Variants in FLG observed in about 807,000 individuals in gnomAD.
FLG encodes the protein filaggrin.
A neutral mutation model predicts 3.8 loss-of-function variants in FLG; 6 were observed. That is an observed-to-expected ratio of 1.60 (90% CI 0.87 to 3.15). The LOEUF is 3.15. Among genes scored for constraint, FLG ranks in the 30% most tolerant of loss-of-function variants. The pLI, the probability that FLG is intolerant of heterozygous loss-of-function variation, is 0.00. For synonymous variants in FLG, 2,551 were observed against 1,931.6 expected, an observed-to-expected ratio of 1.32 and a Z score of -8.41; for missense variants, 7,595 against 5,050.9, an observed-to-expected ratio of 1.50 and a Z score of -15.27.
At chr1:152,322,622 G>T (rs1234858089) in intron 1 of FLG, among the ~76,000 whole-genome samples, 3 of 150,906 alleles carry the variant, frequency 2.0e-5, no homozygotes, top group East Asian at 3.9e-4. Flanking sequence ...AATGAAATAG[G>T]AAAGGAGGCT....
chr1:152,314,721 A>C lies in FLG; in HGVS notation c.165T>G (p.Asp55Glu), dbSNP rs763759026. 1 of 1,613,768 alleles carries C rather than the reference A, an allele frequency of 6.2e-7. No homozygotes were observed. Among genetic ancestry groups the C allele is most frequent in the Non-Finnish European group, 8.5e-7 (1 of 1,179,764 alleles). Reference protein sequence around the residue: ...LKNPDDPDMVDVFMDHLDIDH... With the variant: ...LKNPDDPDMVEVFMDHLDIDH... Reference sequence around the variant, plus strand: ...CTATATCCAAGTGATCCATGAAGACATCAACCATATCTGGGTCATCTGGAT... The same window carrying C: ...CTATATCCAAGTGATCCATGAAGACCTCAACCATATCTGGGTCATCTGGAT... The change falls in exon 3 of 3, where the codon GAT (aspartate) becomes GAG (glutamate). Residue 55 changes from aspartate to glutamate, a missense_variant. By Grantham distance (45) the Asp-to-Glu change is conservative (BLOSUM62 2). Coordinates refer to ENST00000368799, the MANE Select transcript of FLG (RefSeq NM_002016.2).
At chr1:152,323,858 C>A (rs1000021227) in intron 1 of FLG, among the ~76,000 whole-genome samples, 2 of 151,418 alleles carry the variant, frequency 1.3e-5, no homozygotes, top group African/African-American at 4.8e-5. Context: ...TTTATAATAC[C>A]CCCCAAAATG....
At chr1:152,324,035 G>T (rs1653064568) in intron 1 of FLG, among the ~76,000 whole-genome samples, 1 of 151,848 alleles carries the variant, frequency 6.6e-6, no homozygotes, top group Non-Finnish European at 1.5e-5. Context: ...AGAGTTGACT[G>T]GACGTGGTGA....
chr1:152,308,256 A>C lies in FLG; in HGVS notation c.6630T>G (p.His2210Gln). 6.2e-7 allele frequency: 1 copy of C among 1,612,784 alleles called. No individual in the cohort carries two copies. Among genetic ancestry groups the C allele is most frequent in the Non-Finnish European group, 8.5e-7 (1 of 1,179,860 alleles). ...GDGSRHSGSH[H>Q]HEASSWADSS... is the part of the protein sequence containing the mutation. ...TGTCGGCCCAAGAGGAAGCTTCATG[A>C]TGATGCGACCCTGAGTGCCTAGAGC... Residue 2210 changes from histidine to glutamine, a missense_variant, in exon 3 of 3, where the codon CAT becomes CAG. Coordinates refer to ENST00000368799, the MANE Select transcript of FLG (RefSeq NM_002016.2).
rs530424264 is a variant in FLG at position 152,307,273 on chromosome 1, G to A, written c.7613C>T (p.Ser2538Phe). The change falls in exon 3 of 3, where the codon TCC becomes TTC. Residue 2538 changes from serine (S) to phenylalanine (F), a missense_variant. Physicochemically the swap from Ser to Phe is radical, Grantham distance 155. Coordinates refer to ENST00000368799, the MANE Select transcript of FLG (RefSeq NM_002016.2). ...RHSGSRHHEA[S>F]SRADSSGHSQ... ...GTGTCCAGAGCTGTCGGCCCGAGAG[G>A]AAGCTTCATGGTGACGCGACCCTGA... The A allele has an allele frequency of 3.1e-5, 50 of 1,613,384 alleles. No homozygotes were observed. Among genetic ancestry groups the A allele is most frequent in the Non-Finnish European group, 2.9e-5 (34 of 1,179,976 alleles).
At position 152,307,502 on chromosome 1, in the gene FLG, T is replaced by C. The variant is rs1196496743; in HGVS notation, c.7384A>G (p.Ile2462Val). The change falls in exon 3 of 3, where the codon ATT becomes GTT. Residue 2462 changes from isoleucine (I) to valine (V), a missense_variant. Transcript: ENST00000368799. ...HSTSQEGQDT[I>V]HGHPGSSSGG... ...CTGCTTGACCCCGGGTGTCCATGAATGGTGTCCTGACCCTCTTGGGACGTT... is the reference window on the plus strand; with the variant it reads ...CTGCTTGACCCCGGGTGTCCATGAACGGTGTCCTGACCCTCTTGGGACGTT... 6.2e-7 allele frequency: 1 copy of C among 1,613,220 alleles called. No homozygotes were observed. The highest frequency in any genetic ancestry group is 8.5e-7 in the Non-Finnish European group (1 of 1,179,732).
chr1:152,307,335 A>G lies in FLG; in HGVS notation c.7551T>C (p.Thr2517=). 6.2e-7 allele frequency: 1 copy of G among 1,611,794 alleles called. No homozygotes were observed. The highest frequency in any genetic ancestry group is 2.2e-5 in the East Asian group (1 of 44,642). ...HSGSRSASRQ[T]RNDEQSGDGS... The stretch of plus-strand genomic sequence containing the variant: ...CGTCTCCTGATTGTTCATCGTTACG[A>G]GTTTGTCTGCTTGCACTTCTGGATC... The change falls in exon 3 of 3, where the codon ACT becomes ACC. Residue 2517 remains threonine, a synonymous_variant. Transcript: ENST00000368799.
At position 152,309,101 on chromosome 1, in the gene FLG, C is replaced by T. The variant is rs769077099; in HGVS notation, c.5785G>A (p.Glu1929Lys). 2.1e-5 allele frequency: 34 copies of T among 1,614,144 alleles called. No individual in the cohort carries two copies. The highest frequency in any genetic ancestry group is 1.7e-4 in the Admixed American group (10 of 60,022). ...GACCCAGACCACCTCTCAGAGTCTT[C>T]TGAGTGTCCCTGACTGTCACTGTCC... is the stretch of plus-strand genomic sequence containing the variant. ...SQDSDSQGHS[E>K]DSERWSGSAS... Residue 1929 changes from glutamate to lysine, a missense_variant, in exon 3 of 3, where the codon GAA becomes AAA. Physicochemically the swap from Glu to Lys is moderately conservative, Grantham distance 56. Transcript: ENST00000368799.
rs757749982 is a variant in FLG, at chr1:152,310,334, G to A, written c.4552C>T (p.His1518Tyr). The A allele has an allele frequency of 2.5e-6, 4 of 1,613,826 alleles. No homozygotes were observed. The East Asian group carries it at 6.7e-5, about 27-fold the overall frequency. Residue 1518 changes from histidine (H) to tyrosine (Y), a missense_variant, in exon 3 of 3, where the codon CAT becomes TAT. By Grantham distance (83) the His-to-Tyr change is moderately conservative. Transcript: ENST00000368799. ...SVDRSGHSGY[H>Y]HSHTTPQGRS... ...CCCTGGGGTGTGGTGTGGCTGTGAT[G>A]GTACCCTGAGTGTCCAGACCTATCT... is the stretch of plus-strand genomic sequence containing the variant.
In FLG at chr1:152,307,311, G is replaced by T; in HGVS notation, c.7575C>A (p.Asp2525Glu). Residue 2525 changes from aspartate (D) to glutamate (E), a missense_variant, in exon 3 of 3, where the codon GAC becomes GAA. Asp to Glu is a conservative substitution (Grantham distance 45). Transcript: ENST00000368799. The stretch of plus-strand genomic sequence containing the variant: ...GACGCGACCCTGAGTGCCTGGAGCC[G>T]TCTCCTGATTGTTCATCGTTACGAG... ...RQTRNDEQSG[D>E]GSRHSGSRHH... 1 of 1,613,350 alleles carries T rather than the reference G, an allele frequency of 6.2e-7. No homozygotes were observed. Among genetic ancestry groups the T allele is most frequent in the South Asian group, 1.1e-5 (1 of 91,038 alleles).
At position 152,305,603 on chromosome 1, in the gene FLG, G is replaced by C. The variant is rs201743884; in HGVS notation, c.9283C>G (p.Gln3095Glu). 4 of 1,499,090 alleles carry C rather than the reference G, an allele frequency of 2.7e-6. No homozygotes were observed. Among genetic ancestry groups the C allele is most frequent in the Non-Finnish European group, 3.5e-6 (4 of 1,128,560 alleles). The allele number at this position is 1,499,090 out of a possible 1,614,324, so 92.9% of individuals were successfully genotyped here. Reference protein sequence around the residue: ...GRQGSRHEQAQDSSRHSASQY... With the variant: ...GRQGSRHEQAEDSSRHSASQY... ...GATGCTGAGTGCCTGGAGCTGTCTT[G>C]TGCCTGCTCATGGCGGGATCCTTGT... The change falls in exon 3 of 3, where the codon CAA becomes GAA. Residue 3095 changes from glutamine (Q) to glutamate (E), a missense_variant. Coordinates refer to ENST00000368799, the MANE Select transcript of FLG (RefSeq NM_002016.2).
At position 152,304,373 on chromosome 1, in the gene FLG, G is replaced by A. The variant is rs1651796071; in HGVS notation, c.10513C>T (p.His3505Tyr). 1.2e-6 allele frequency: 2 copies of A among 1,611,730 alleles called. No individual in the cohort carries two copies. The highest frequency in any genetic ancestry group is 8.5e-7 in the Non-Finnish European group (1 of 1,179,114). The change falls in exon 3 of 3, where the codon CAT (histidine) becomes TAT (tyrosine). Residue 3505 changes from histidine to tyrosine, a missense_variant. Coordinates refer to ENST00000368799, the MANE Select transcript of FLG (RefSeq NM_002016.2). ...GCCTGAGTGGAAGCTTCATGGTGATGCGACCATGAGTGCCTGGAGCCATCT... is the reference window on the plus strand; with the variant it reads ...GCCTGAGTGGAAGCTTCATGGTGATACGACCATGAGTGCCTGGAGCCATCT... ...SGDGSRHSWSHHHEASTQADS... is the reference protein window; with the variant it reads ...SGDGSRHSWSYHHEASTQADS...
chr1:152,312,867 A>G lies in FLG; in HGVS notation c.2019T>C (p.Ser673=), dbSNP rs752711589. 7 of 1,613,858 alleles carry G rather than the reference A, an allele frequency of 4.3e-6. 1 individual carries two copies. In the Admixed American group the frequency reaches 1.0e-4, roughly 23 times the overall value. ...TGCCTGATTTTCTGGAGCTGTCTGCAGAGTGCCCATGACCAGCTCTGTCTT... is the reference window on the plus strand; with the variant it reads ...TGCCTGATTTTCTGGAGCTGTCTGCGGAGTGCCCATGACCAGCTCTGTCTT... ...HHEDRAGHGH[S]ADSSRKSGTR... The change falls in exon 3 of 3, where the codon TCT becomes TCC. Residue 673 remains serine (S), a synonymous_variant. Transcript: ENST00000368799.
rs1438899484 is a variant in FLG, at chr1:152,304,646, G to C, written c.10240C>G (p.His3414Asp). Reference protein sequence around the residue: ...RTSTGRRQGSHHEQARDSSRH... With the variant: ...RTSTGRRQGSDHEQARDSSRH... Reference sequence around the variant, plus strand: ...GAGCTGTCTCGTGCCTGCTCGTGGTGGGATCCTTGTCTTCGTCCAGTGCTG... The same window carrying C: ...GAGCTGTCTCGTGCCTGCTCGTGGTCGGATCCTTGTCTTCGTCCAGTGCTG... The change falls in exon 3 of 3, where the codon CAC (histidine) becomes GAC (aspartate). Residue 3414 changes from histidine to aspartate, a missense_variant. Transcript: ENST00000368799. 1 of 1,612,396 alleles carries C rather than the reference G, an allele frequency of 6.2e-7. No individual in the cohort carries two copies.
In FLG at chr1:152,308,275, C is replaced by T. The variant is rs867126193; in HGVS notation, c.6611G>A (p.Arg2204Lys). The T allele has an allele frequency of 3.1e-6, 5 of 1,613,264 alleles. No individual in the cohort carries two copies. The highest frequency in any genetic ancestry group is 4.2e-6 in the Non-Finnish European group (5 of 1,179,466). Residue 2204 changes from arginine to lysine, a missense_variant, in exon 3 of 3, where the codon AGG (arginine) becomes AAG (lysine). Coordinates refer to ENST00000368799, the MANE Select transcript of FLG (RefSeq NM_002016.2). ...TTCATGATGATGCGACCCTGAGTGC[C>T]TAGAGCCATCTCCTGATTGTTCCTT... ...YDKEQSGDGSRHSGSHHHEAS... is the reference protein window; with the variant it reads ...YDKEQSGDGSKHSGSHHHEAS...
Position 152,309,539 on chromosome 1 carries a change from C to T in FLG, c.5347G>A (p.Gly1783Arg), listed in dbSNP as rs765034231. 1.2e-6 allele frequency: 2 copies of T among 1,613,878 alleles called. No homozygotes were observed. The highest frequency in any genetic ancestry group is 1.7e-6 in the Non-Finnish European group (2 of 1,179,954). The change falls in exon 3 of 3, where the codon GGG (glycine) becomes AGG (arginine). Residue 1783 changes from glycine to arginine, a missense_variant. By Grantham distance (125) the Gly-to-Arg change is moderately radical. Coordinates refer to ENST00000368799, the MANE Select transcript of FLG (RefSeq NM_002016.2). ...EQSESAHGRT[G>R]PSTGGRQRSR... The stretch of plus-strand genomic sequence containing the variant: ...CTTTGTCTTCCTCCAGTGCTGGGCC[C>T]TGTGCGTCCATGGGCGGACTCAGAC...
Position 152,304,343 on chromosome 1 carries a change from T to G in FLG, c.10543A>C (p.Ser3515Arg), listed in dbSNP as rs769487530. 3.1e-6 allele frequency: 5 copies of G among 1,611,722 alleles called. No homozygotes were observed. In the Admixed American group the frequency reaches 8.4e-5, roughly 27 times the overall value. Residue 3515 changes from serine (S) to arginine (R), a missense_variant, in exon 3 of 3, where the codon AGC becomes CGC. By Grantham distance (110) the Ser-to-Arg change is moderately radical. Transcript: ENST00000368799. The part of the protein sequence containing the change: ...HHHEASTQAD[S>R]SRHSQSGQGQ... ...TGGCCGGACTGTGAGTGTCTAGAGC[T>G]GTCCGCCTGAGTGGAAGCTTCATGG...
At position 152,313,911 on chromosome 1, in the gene FLG, C is replaced by G. The variant is rs146115338; in HGVS notation, c.975G>C (p.Ala325=). Residue 325 remains alanine (A), a synonymous_variant, in exon 3 of 3, where the codon GCG becomes GCC. Transcript: ENST00000368799. ...TGGAGCCATCTCTTGACTGCTCCCACGCAGATCCATGATGGTTTCTGGAAG... is the reference window on the plus strand; with the variant it reads ...TGGAGCCATCTCTTGACTGCTCCCAGGCAGATCCATGATGGTTTCTGGAAG... ...GSASRNHHGS[A]WEQSRDGSRH... is the part of the protein sequence containing the mutation. 3 of 1,613,886 alleles carry G rather than the reference C, an allele frequency of 1.9e-6. No individual in the cohort carries two copies. The highest frequency in any genetic ancestry group is 1.7e-6 in the Non-Finnish European group (2 of 1,179,998).
At position 152,312,748 on chromosome 1, in the gene FLG, T is replaced by TGGTGGCG. The variant is rs1557880662; in HGVS notation, c.2131_2137dup (p.Gln713ProfsTer35). 6.8e-6 allele frequency: 11 copies of TGGTGGCG among 1,614,032 alleles called. 1 individual carries two copies. In the South Asian group the frequency reaches 9.9e-5, roughly 15 times the overall value. On this transcript the variant is annotated frameshift_variant, in exon 3 of 3. Coordinates refer to ENST00000368799, the MANE Select transcript of FLG (RefSeq NM_002016.2). LOFTEE classifies it low-confidence loss of function (END_TRUNC). ...TCTGGAGCTGTCTGCTGACTGGAGCTGGTGGCGGGATCCATGTCTTTCTCC... is the reference window on the plus strand; with the variant it reads ...TCTGGAGCTGTCTGCTGACTGGAGCTGGTGGCGGGTGGCGGGATCCATGTCTTTCTCC...
Sources: allele counts gnomAD v4.1 joint callset (sites outside exome capture counted in the v4.1 genomes callset), GRCh38; gene constraint gnomAD v4.1.1; transcripts MANE v1.5; gene names NCBI Gene and HGNC (gene_info 2026-07-23, HGNC 2026-07-21).